The following KCTD17 variants were observed in gnomAD, a reference collection of about 807,000 sequenced individuals.
KCTD17 encodes BTB/POZ domain-containing protein KCTD17.
KCTD17 carries 20 observed loss-of-function variants against 41.5 expected under a neutral mutation model. The observed-to-expected ratio is 0.48, with a 90% CI of 0.34 to 0.70. The LOEUF is 0.70. Ranked by LOEUF, KCTD17 falls within the 30% of genes least tolerant of loss-of-function variation. The probability of loss-of-function intolerance (pLI) is 0.01; values close to 1 mark genes in which losing one functional copy is unlikely to be tolerated. For missense variants in KCTD17, 317 were observed against 427.2 expected, an observed-to-expected ratio of 0.74 and a Z score of 2.27; for synonymous variants, 156 against 173.8, an observed-to-expected ratio of 0.90 and a Z score of 0.80.
chr22:37,056,878 G>C (rs1300765699), intron 3 of KCTD17, among the ~76,000 whole-genome samples: 1 of 152,080 alleles, frequency 6.6e-6, no homozygotes, highest in Non-Finnish European at 1.5e-5. Flanking sequence ...TTGGAGCCTG[G>C]GCCTCCCTGG....
At chr22:37,052,641 G>C (rs115352795) in intron 1 of KCTD17, 1 of 470,796 alleles carries the variant, frequency 2.1e-6, no homozygotes, top group South Asian at 1.5e-5. Flanking sequence ...CTGTAGAGTC[G>C]CATGGAAGCC....
At chr22:37,057,586 T>C in intron 4 of KCTD17, 93 bp downstream of exon 4, 1 of 986,758 alleles carries the variant, frequency 1.0e-6, no homozygotes, top group Non-Finnish European at 1.5e-6. Context: ...GCCCCAGCCT[T>C]GGGTTCCCCA....
rs553209558 is a variant in KCTD17, at chr22:37,053,834, A to T, written c.298+626A>T. ...GGGCCTAACAAACAGTGGGGAGGCC[A>T]TGTCTGGGAGAACGACCTGTTAGCA... On this transcript the variant is annotated intron_variant, in intron 2 of 8. Transcript: ENST00000403888. The surrounding 1 kb of genome is among the most constrained non-coding windows in gnomAD (Gnocchi z 4.1). Among the ~76,000 whole-genome samples, 1 of 152,182 alleles carries T rather than the reference A, an allele frequency of 6.6e-6. No individual in the cohort carries two copies. Among genetic ancestry groups the T allele is most frequent in the Non-Finnish European group, 1.5e-5 (1 of 68,010 alleles).
Position 37,061,134 on chromosome 22 carries a change from T to C in KCTD17, c.743T>C (p.Phe248Ser). 1.9e-6 allele frequency: 3 copies of C among 1,551,248 alleles called. No homozygotes were observed. Among genetic ancestry groups the C allele is most frequent in the Non-Finnish European group, 2.6e-6 (3 of 1,146,942 alleles). ...TCATCTCAGGATCCCGCTAACCTTTTCTCCCTCCCACCACTGCCTCCTCCT... is the reference window on the plus strand; with the variant it reads ...TCATCTCAGGATCCCGCTAACCTTTCCTCCCTCCCACCACTGCCTCCTCCT... ...AQSSQDPANL[F>S]SLPPLPPPPL... Residue 248 changes from phenylalanine (F) to serine (S), a missense_variant, in exon 7 of 9, where the codon TTC (phenylalanine) becomes TCC (serine). By Grantham distance (155) the Phe-to-Ser change is radical (BLOSUM62 -2). Around this residue, in one of 4 missense-constraint regions of KCTD17, gnomAD observed 177 missense variants for 194.4 expected, o/e 0.91. Transcript: ENST00000403888. The surrounding 1 kb of genome is among the most constrained non-coding windows in gnomAD (Gnocchi z 6.6).
chr22:37,058,557 G>T (rs183235525), intron 4 of KCTD17, among the ~76,000 whole-genome samples: 1 of 152,334 alleles, frequency 6.6e-6, no homozygotes, highest in Non-Finnish European at 1.5e-5. Context: ...TGGGATCCCC[G>T]ATGCCATTCC....
Position 37,053,618 on chromosome 22 carries a change from T to C in KCTD17, c.298+410T>C, listed in dbSNP as rs1924753933. 6.6e-6 allele frequency among the ~76,000 whole-genome samples: 1 copy of C among 152,202 alleles called. No homozygotes were observed. The highest frequency in any genetic ancestry group is 1.5e-5 in the Non-Finnish European group (1 of 68,040). ...GCTCTGTCTCTCTTTCTCTGGCTGA[T>C]CCAGTATCTCAAATTCTGCCTGGTG... is the stretch of plus-strand genomic sequence containing the variant. On this transcript the variant is annotated intron_variant, in intron 2 of 8. Coordinates refer to ENST00000403888, the MANE Select transcript of KCTD17 (RefSeq NM_001282684.2). This position sits in a 1 kb window ranked among gnomAD's most constrained non-coding sequence, Gnocchi z 4.1.
At chr22:37,054,411 G>A (rs7287458) in intron 2 of KCTD17, among the ~76,000 whole-genome samples, 4 of 149,120 alleles carry the variant, frequency 2.7e-5, no homozygotes, top group African/African-American at 1.0e-4. Context: ...GGGGGCTAGG[G>A]GATCACACAG....
In KCTD17 at chr22:37,053,133, C is replaced by G; in HGVS notation, c.223C>G (p.Pro75Ala). Reference sequence around the variant, plus strand: ...CGGGGCCTACCTCATTGACCGTGACCCCACCTACTTCGGGCCCATCCTGAA... The same window carrying G: ...CGGGGCCTACCTCATTGACCGTGACGCCACCTACTTCGGGCCCATCCTGAA... ...ETGAYLIDRDPTYFGPILNFL... is the reference protein window; with the variant it reads ...ETGAYLIDRDATYFGPILNFL... Residue 75 changes from proline (P) to alanine (A), a missense_variant, in exon 2 of 9, where the codon CCC becomes GCC. Coordinates refer to ENST00000403888, the MANE Select transcript of KCTD17 (RefSeq NM_001282684.2). This position sits in a 1 kb window ranked among gnomAD's most constrained non-coding sequence, Gnocchi z 4.1. 2 of 1,601,234 alleles carry G rather than the reference C, an allele frequency of 1.2e-6. No homozygotes were observed. Among genetic ancestry groups the G allele is most frequent in the Non-Finnish European group, 1.7e-6 (2 of 1,174,104 alleles).
Position 37,053,165 on chromosome 22 carries a change from C to G in KCTD17, c.255C>G (p.Leu85=), listed in dbSNP as rs147970401. ...ACTTCGGGCCCATCCTGAACTTCCT[C>G]CGGCATGGCAAGCTGGTGCTGGACA... is the stretch of plus-strand genomic sequence containing the variant. ...PTYFGPILNF[L]RHGKLVLDKD... The change falls in exon 2 of 9, where the codon CTC becomes CTG. Residue 85 remains leucine (L), a synonymous_variant. Coordinates refer to ENST00000403888, the MANE Select transcript of KCTD17 (RefSeq NM_001282684.2). The surrounding 1 kb of genome is among the most constrained non-coding windows in gnomAD (Gnocchi z 4.1). 3.0e-5 allele frequency: 48 copies of G among 1,606,206 alleles called. No homozygotes were observed. The highest frequency in any genetic ancestry group is 3.8e-5 in the Non-Finnish European group (45 of 1,176,680).
At chr22:37,059,282 G>A in intron 4 of KCTD17, 31 bp from the exon 5 acceptor site, 1 of 1,609,338 alleles carries the variant, frequency 6.2e-7, no homozygotes, top group Non-Finnish European at 8.5e-7. Context: ...ACACCAACCT[G>A]CATTTTTCTC....
chr22:37,057,269 C>A, intron 3 of KCTD17, 129 bp from the exon 4 acceptor site: 1 of 756,100 alleles, frequency 1.3e-6, no homozygotes, highest in Non-Finnish European at 2.4e-6. Flanking sequence ...TCCCCCCAAC[C>A]ACCTCTTCTT....
At chr22:37,062,039 G>A in intron 8 of KCTD17, 12 of 984,554 alleles carry the variant, frequency 1.2e-5, no homozygotes, top group Non-Finnish European at 1.4e-5. Context: ...CTGGCCATGT[G>A]CCCACAAGCC....
At position 37,061,414 on chromosome 22, in the gene KCTD17, G is replaced by A; in HGVS notation, c.785-125G>A. 6.8e-7 allele frequency: 1 copy of A among 1,476,210 alleles called. No individual in the cohort carries two copies. The highest frequency in any genetic ancestry group is 9.0e-7 in the Non-Finnish European group (1 of 1,113,958). The allele number at this position is 1,476,210 out of a possible 1,614,324, so 91.4% of individuals were successfully genotyped here. A position where few individuals can be genotyped will look rare whatever the true frequency, so the allele number is the denominator to read the frequency against. ...CTCCTGCCTCCCAGCCTGGGGAGGA[G>A]GGGCGCAGCTGCACCTCCTCTGTGC... On this transcript the variant is annotated intron_variant, in intron 7 of 8. Coordinates refer to ENST00000403888, the MANE Select transcript of KCTD17 (RefSeq NM_001282684.2). This position sits in a 1 kb window ranked among gnomAD's most constrained non-coding sequence, Gnocchi z 6.6.
chr22:37,061,365 C>A lies in KCTD17; in HGVS notation c.785-174C>A. Reference sequence around the variant, plus strand: ...CTGCATCCCAGAGCGTCCTGCCTGCCGCCTCCTGCGCCCCTTCTGGTACCT... The same window carrying A: ...CTGCATCCCAGAGCGTCCTGCCTGCAGCCTCCTGCGCCCCTTCTGGTACCT... On this transcript the variant is annotated intron_variant, in intron 7 of 8. Transcript: ENST00000403888. This position sits in a 1 kb window ranked among gnomAD's most constrained non-coding sequence, Gnocchi z 6.6. 1.4e-6 allele frequency: 2 copies of A among 1,474,792 alleles called. No homozygotes were observed. Among genetic ancestry groups the A allele is most frequent in the Non-Finnish European group, 1.8e-6 (2 of 1,114,608 alleles). 91.4% of individuals were successfully genotyped at this position (1,474,792 alleles called of 1,614,324 possible).
chr22:37,052,745 G>A (rs910666142), intron 1 of KCTD17: 4 of 444,472 alleles, frequency 9.0e-6, no homozygotes, highest in Non-Finnish European at 1.8e-5. Flanking sequence ...ACCTGGGGGC[G>A]ACAGTGGGGC....
At chr22:37,052,101 G>A (rs1463911842) in intron 1 of KCTD17, 152 bp downstream of exon 1, 2 of 951,344 alleles carry the variant, frequency 2.1e-6, no homozygotes, top group Non-Finnish European at 2.8e-6. Flanking sequence ...GAGGAGGGGA[G>A]GGGGAGGTGG....
intron 2 of KCTD17, among the ~76,000 whole-genome samples, chr22:37,054,701 G>T (rs535018315): frequency 3.3e-5 from 5 of 152,260 alleles, no homozygotes; most frequent in Admixed American, 1.3e-4. Context: ...GGAGTTAATA[G>T]TGCAGCATGG....
intron 3 of KCTD17, 36 bp downstream of exon 3, chr22:37,056,447 G>A: frequency 6.5e-7 from 1 of 1,537,764 alleles, no homozygotes; most frequent in African/African-American, 1.4e-5. Context: ...GCCAGGGCAG[G>A]GGCCAGTGGG....
At position 37,061,368 on chromosome 22, in the gene KCTD17, C is replaced by G; in HGVS notation, c.785-171C>G. On this transcript the variant is annotated intron_variant, in intron 7 of 8. Coordinates refer to ENST00000403888, the MANE Select transcript of KCTD17 (RefSeq NM_001282684.2). The surrounding 1 kb of genome is among the most constrained non-coding windows in gnomAD (Gnocchi z 6.6). ...CATCCCAGAGCGTCCTGCCTGCCGC[C>G]TCCTGCGCCCCTTCTGGTACCTCCT... 6.8e-7 allele frequency: 1 copy of G among 1,474,408 alleles called. No individual in the cohort carries two copies. The allele number at this position is 1,474,408 out of a possible 1,614,324, so 91.3% of individuals were successfully genotyped here. A position where few individuals can be genotyped will look rare whatever the true frequency, so the allele number is the denominator to read the frequency against.
Sources: gnomAD v4.1 joint callset for allele counts (sites outside exome capture counted in the v4.1 genomes callset) on GRCh38, gnomAD v4.1.1 for gene constraint, gnomAD v4.1.1 regional missense constraint, Gnocchi (gnomAD v3.1) non-coding constraint, MANE v1.5 for transcripts, NCBI Gene and HGNC (gene_info 2026-07-23, HGNC 2026-07-21) for gene names.